Variants in CHODL observed in about 807,000 individuals in gnomAD.
CHODL encodes the protein transmembrane protein MT75.
CHODL carries 29 observed loss-of-function variants against 34.5 expected under a neutral mutation model. That is an observed-to-expected ratio of 0.84 (90% CI 0.63 to 1.15). The LOEUF is 1.15. Among genes scored for constraint, CHODL ranks in the 50% most tolerant of loss-of-function variants. The pLI is 0.00. For synonymous variants in CHODL, 125 were observed against 116.1 expected, an observed-to-expected ratio of 1.08 and a Z score of -0.49; for missense variants, 332 against 332.5, an observed-to-expected ratio of 1.00 and a Z score of 0.01.
At chr21:18,017,022 G>T (rs150144445) in intron 1 of CHODL, among the ~76,000 whole-genome samples, 446 of 152,384 alleles carry the variant, frequency 2.9e-3, no homozygotes, top group African/African-American at 0.01. Context: ...TATCTTGGAA[G>T]TAACTAACTT....
chr21:18,097,268 G>A (rs918808834), intron 2 of CHODL, among the ~76,000 whole-genome samples: 6 of 151,994 alleles, frequency 3.9e-5, no homozygotes, highest in Non-Finnish European at 8.8e-5. Context: ...AATTGAAAAG[G>A]AAAAAGTCAA....
chr21:18,109,868 G>T (rs1206742104), intron 2 of CHODL, among the ~76,000 whole-genome samples: 1 of 152,114 alleles, frequency 6.6e-6, no homozygotes, highest in East Asian at 1.9e-4. Context: ...AAGGTTAGAG[G>T]AATAGAACAC....
At chr21:18,085,796 C>G (rs1329700044) in intron 2 of CHODL, among the ~76,000 whole-genome samples, 1 of 152,024 alleles carries the variant, frequency 6.6e-6, no homozygotes, top group African/African-American at 2.4e-5. Context: ...CTTTTATTCA[C>G]TTTGACTTTA....
chr21:18,125,627 CCT>C (rs1252056625), intron 2 of CHODL, among the ~76,000 whole-genome samples: 1 of 150,358 alleles, frequency 6.7e-6, no homozygotes, highest in Non-Finnish European at 1.5e-5. Flanking sequence ...ATGGAGTCTC[CCT>C]CTGTCACCCA....
At chr21:18,057,278 A>G (rs1337527227) in intron 2 of CHODL, among the ~76,000 whole-genome samples, 2 of 151,932 alleles carry the variant, frequency 1.3e-5, no homozygotes, top group Non-Finnish European at 2.9e-5. Context: ...AGGTATATTT[A>G]ATCTCTCTCT....
At chr21:18,092,246 G>A (rs920121523) in intron 2 of CHODL, among the ~76,000 whole-genome samples, 5 of 152,196 alleles carry the variant, frequency 3.3e-5, no homozygotes, top group African/African-American at 1.2e-4. Flanking sequence ...ATTCCTTTGA[G>A]TCTTATGCAA....
chr21:18,022,542 C>T (rs1042095231), intron 1 of CHODL: 16 of 152,078 alleles, frequency 1.1e-4, no homozygotes, highest in African/African-American at 3.6e-4. Context: ...TGCTACATTT[C>T]CTCTTTGAGA....
chr21:18,059,966 A>G (rs1334437972), intron 2 of CHODL, among the ~76,000 whole-genome samples: 3 of 152,054 alleles, frequency 2.0e-5, no homozygotes, highest in African/African-American at 7.2e-5. Context: ...CATTCCGTTC[A>G]TTATTCCACT....
intron 1 of CHODL, among the ~76,000 whole-genome samples, chr21:17,992,882 G>A (rs1001423206): frequency 1.4e-4 from 21 of 151,972 alleles, no homozygotes; most frequent in South Asian, 8.3e-4. Context: ...TGAAACTCCC[G>A]ACCTCAGGTG....
chr21:18,145,506 G>A (rs2824652), intron 2 of CHODL, among the ~76,000 whole-genome samples: 1 of 148,788 alleles, frequency 6.7e-6, no homozygotes, highest in Admixed American at 6.7e-5. Flanking sequence ...TATGTGAAAA[G>A]ATGACCTGAT....
chr21:18,032,634 G>A (rs1440961899), intron 2 of CHODL, among the ~76,000 whole-genome samples: 2 of 152,008 alleles, frequency 1.3e-5, no homozygotes, highest in African/African-American at 2.4e-5. Flanking sequence ...TCCCCTTACT[G>A]GAGCAAATCA....
Position 18,128,296 on chromosome 21 carries a change from C to CAAAAAAAAAA in CHODL, c.-45+100361_-45+100370dup, listed in dbSNP as rs71189585. ...AGCCTGGGTGACAGAGCAAGAGTCT[C>CAAAAAAAAAA]AAAAAAAAAAAAAAAAAAAAAAAAA... On this transcript the variant is annotated intron_variant, in intron 2 of 6. Coordinates refer to the CHODL transcript ENST00000400127. Among the ~76,000 whole-genome samples the CAAAAAAAAAA allele has an allele frequency of 2.1e-4, 6 of 28,058 alleles. 1 individual carries two copies. The highest frequency in any genetic ancestry group is 2.6e-4 in the African/African-American group (2 of 7,710). The allele number at this position is 28,058 out of a possible 152,430, so 18.4% of individuals were successfully genotyped here.
intron 2 of CHODL, among the ~76,000 whole-genome samples, chr21:18,049,366 G>C (rs143121761): frequency 3.9e-5 from 6 of 152,046 alleles, no homozygotes; most frequent in Non-Finnish European, 8.8e-5. Context: ...ACTATATAAT[G>C]AACAGATCTG....
At chr21:18,148,064 A>C (rs545052476) in intron 2 of CHODL, among the ~76,000 whole-genome samples, 3 of 152,322 alleles carry the variant, frequency 2.0e-5, no homozygotes, top group Non-Finnish European at 2.9e-5. Context: ...AGGCAGCTAC[A>C]TCAAGAGGAT....
At chr21:18,170,893 T>C (rs550231746) in intron 2 of CHODL, among the ~76,000 whole-genome samples, 2 of 152,210 alleles carry the variant, frequency 1.3e-5, no homozygotes, top group South Asian at 4.1e-4. Context: ...ATTTGAGTTA[T>C]TGTTTAGCAT....
At chr21:18,249,895 A>C (rs2074214590) in intron 1 of CHODL, among the ~76,000 whole-genome samples, 1 of 152,162 alleles carries the variant, frequency 6.6e-6, no homozygotes, top group Non-Finnish European at 1.5e-5. Context: ...AGACAGGAGA[A>C]GGAGCTCAGC....
intron 2 of CHODL, among the ~76,000 whole-genome samples, chr21:18,162,665 A>C (rs2073110527): frequency 1.3e-5 from 2 of 152,322 alleles, no homozygotes; most frequent in East Asian, 3.9e-4. Flanking sequence ...TAGAAGAGAT[A>C]ATTCCACCCA....
chr21:18,104,389 T>C (rs1261470537), intron 2 of CHODL, among the ~76,000 whole-genome samples: 1 of 152,164 alleles, frequency 6.6e-6, no homozygotes, highest in Non-Finnish European at 1.5e-5. Flanking sequence ...GTGAGGAAGA[T>C]GCCTTGCTTC....
intron 1 of CHODL, among the ~76,000 whole-genome samples, chr21:18,256,178 T>C (rs1248594639): frequency 6.6e-6 from 1 of 152,204 alleles, no homozygotes; most frequent in Non-Finnish European, 1.5e-5. Flanking sequence ...TAGCTCACTT[T>C]ACTATACACT....
Sources: allele counts gnomAD v4.1 joint callset (sites outside exome capture counted in the v4.1 genomes callset), GRCh38; gene constraint gnomAD v4.1.1; transcripts MANE v1.5; gene names NCBI Gene and HGNC (gene_info 2026-07-23, HGNC 2026-07-21).